SHPRH: variants seen among roughly 807,000 people sequenced by gnomAD.
SHPRH encodes SNF2 histone linker PHD RING helicase.
A neutral mutation model predicts 202.5 loss-of-function variants in SHPRH; 106 were observed. That is an observed-to-expected ratio of 0.52 (90% CI 0.45 to 0.62). The LOEUF (loss-of-function observed/expected upper bound fraction) is 0.62. SHPRH is among the 20% of genes least tolerant of loss of function. The probability of loss-of-function intolerance (pLI) is 0.00; values close to 1 mark genes in which losing one functional copy is unlikely to be tolerated. For synonymous variants in SHPRH, 729 were observed against 686.0 expected, an observed-to-expected ratio of 1.06 and a Z score of -0.98; for missense variants, 1,710 against 2,020.0, an observed-to-expected ratio of 0.85 and a Z score of 2.94.
intron 13 of SHPRH, among the ~76,000 whole-genome samples, chr6:145,933,941 T>C (rs1283533988): frequency 6.6e-6 from 1 of 152,090 alleles, no homozygotes; most frequent in Non-Finnish European, 1.5e-5. Context: ...GTGGGAACTA[T>C]GAAATAAAAT....
In SHPRH at chr6:145,923,693, T is replaced by G; in HGVS notation, c.3495A>C (p.Glu1165Asp). Residue 1165 changes from glutamate (E) to aspartate (D), a missense_variant, in exon 18 of 30, where the codon GAA (glutamate) becomes GAC (aspartate). This residue lies in a region of SHPRH where 288 missense variants were observed against 317.8 expected (regional missense o/e 0.91). Transcript: ENST00000275233. ...TTTGTTGCTTGTAGTTGCTGGTTAT[T>G]TCATTTCGCACTCGCTGAACTAGCT... ...DEELVQRVRN[E>D]ITSNYKQQTG... The G allele has an allele frequency of 6.2e-7, 1 of 1,612,148 alleles. No individual in the cohort carries two copies. Among genetic ancestry groups the G allele is most frequent in the Non-Finnish European group, 8.5e-7 (1 of 1,178,758 alleles).
At chr6:145,937,398 C>CT (rs963380283) in intron 11 of SHPRH, among the ~76,000 whole-genome samples, 1 of 152,150 alleles carries the variant, frequency 6.6e-6, no homozygotes, top group Non-Finnish European at 1.5e-5. Flanking sequence ...GCCTTATCCA[C>CT]TTTTTTCTGT....
chr6:145,941,102 A>G (rs1786721362), intron 10 of SHPRH, among the ~76,000 whole-genome samples: 1 of 152,182 alleles, frequency 6.6e-6, no homozygotes, highest in African/African-American at 2.4e-5. Context: ...GCATCACTCT[A>G]TCCTCCAGAT....
intron 21 of SHPRH, among the ~76,000 whole-genome samples, chr6:145,919,903 C>T (rs2128747930): frequency 6.6e-6 from 1 of 152,124 alleles, no homozygotes; most frequent in South Asian, 2.1e-4. Context: ...AATATGAATT[C>T]CTTGGAAAGG....
intron 11 of SHPRH, among the ~76,000 whole-genome samples, chr6:145,938,581 AAAC>A (rs1453094600): frequency 2.6e-5 from 4 of 152,230 alleles, no homozygotes; most frequent in African/African-American, 4.8e-5. Flanking sequence ...TGGAAAATAA[AAAC>A]AACAAAAGGA....
At chr6:145,866,400 A>C (rs1779783714) in intron 2 of SHPRH, among the ~76,000 whole-genome samples, 1 of 152,174 alleles carries the variant, frequency 6.6e-6, no homozygotes, top group East Asian at 1.9e-4. Flanking sequence ...TCCTTTCTAC[A>C]TTTCTGGGAT....
At chr6:145,912,612 A>G (rs1325159198) in intron 24 of SHPRH, among the ~76,000 whole-genome samples, 1 of 152,138 alleles carries the variant, frequency 6.6e-6, no homozygotes, top group African/African-American at 2.4e-5. Flanking sequence ...TCAGTTTCCA[A>G]TGTAGTATCT....
chr6:145,891,076 C>T (rs1638435377), intron 28 of SHPRH, among the ~76,000 whole-genome samples: 2 of 152,094 alleles, frequency 1.3e-5, no homozygotes, highest in East Asian at 3.9e-4. Context: ...TCTTTTAAAA[C>T]TTAAGTGAGA....
chr6:145,879,938 AAAG>A (rs1170657295), downstream of SHPRH, among the ~76,000 whole-genome samples: 1 of 151,402 alleles, frequency 6.6e-6, no homozygotes, highest in Non-Finnish European at 1.5e-5. Context: ...AAAAAGGAAA[AAAG>A]AAAAAAAGAA....
intron 2 of SHPRH, among the ~76,000 whole-genome samples, chr6:145,875,657 A>T (rs1170681821): frequency 6.6e-6 from 1 of 152,196 alleles, no homozygotes; most frequent in Non-Finnish European, 1.5e-5. Context: ...TTCACCCAAG[A>T]ACGTCATGAG....
At chr6:145,934,356 C>G in intron 13 of SHPRH, among the ~76,000 whole-genome samples, 1 of 151,710 alleles carries the variant, frequency 6.6e-6, no homozygotes. Flanking sequence ...ATCCCAGGTA[C>G]TTGGAGGGGT....
chr6:145,916,947 T>A (rs985107683), intron 23 of SHPRH, among the ~76,000 whole-genome samples: 2 of 152,050 alleles, frequency 1.3e-5, no homozygotes, highest in Admixed American at 1.3e-4. Flanking sequence ...TTCCAGCTAA[T>A]TTTTTGTATC....
At chr6:145,919,740 TATA>T (rs1784268137) in intron 21 of SHPRH, among the ~76,000 whole-genome samples, 1 of 152,166 alleles carries the variant, frequency 6.6e-6, no homozygotes, top group Non-Finnish European at 1.5e-5. Flanking sequence ...CAAAAATCTT[TATA>T]AAGTCCAGTT....
Position 145,885,652 on chromosome 6 carries a change from G to C in SHPRH, c.*1039C>G, listed in dbSNP as rs553831647. On this transcript the variant is annotated 3_prime_UTR_variant, in exon 30 of 30. Coordinates refer to ENST00000275233, the MANE Select transcript of SHPRH (RefSeq NM_001042683.3). ...TTCCTCACAGAAGAAGAAACACTTC[G>C]TTATTATCACTTGCAACGATTTGCT... 1.4e-4 allele frequency: 21 copies of C among 151,968 alleles called. No individual in the cohort carries two copies. Among genetic ancestry groups the C allele is most frequent in the Admixed American group, 7.2e-4 (11 of 15,282 alleles). The allele number at this position is 151,968 out of a possible 1,614,324, so 9.4% of individuals were successfully genotyped here.
In SHPRH at chr6:145,954,963, A is replaced by G. The variant is rs1310296582; in HGVS notation, c.360T>C (p.Thr120=). The change falls in exon 2 of 30, where the codon ACT becomes ACC. Residue 120 remains threonine, a synonymous_variant. Coordinates refer to ENST00000275233, the MANE Select transcript of SHPRH (RefSeq NM_001042683.3). The part of the protein sequence containing the change: ...NSWKAFLGEL[T]LQLLPAQSLI... Reference sequence around the variant, plus strand: ...AACTCTGTGCAGGAAGAAGCTGAAGAGTTAATTCTCCTAGAAATGCTTTCC... The same window carrying G: ...AACTCTGTGCAGGAAGAAGCTGAAGGGTTAATTCTCCTAGAAATGCTTTCC... The G allele has an allele frequency of 6.2e-7, 1 of 1,613,896 alleles. No individual in the cohort carries two copies. The highest frequency in any genetic ancestry group is 8.5e-7 in the Non-Finnish European group (1 of 1,179,924).
rs751575454 is a variant in SHPRH, at chr6:145,954,911, T to C, written c.412A>G (p.Ile138Val). 3.1e-6 allele frequency: 5 copies of C among 1,613,824 alleles called. No individual in the cohort carries two copies. Among genetic ancestry groups the C allele is most frequent in the Non-Finnish European group, 4.2e-6 (5 of 1,179,876 alleles). ...SLIENFSERSITLMSSESSNQ... is the reference protein window; with the variant it reads ...SLIENFSERSVTLMSSESSNQ... ...CTTGACTCTGAACTCATCAATGTAA[T>C]ACTCCTTTCGGAAAAATTTTCAATT... Residue 138 changes from isoleucine to valine, a missense_variant, in exon 2 of 30, where the codon ATT becomes GTT. This residue lies in a region of SHPRH where 459 missense variants were observed against 426.5 expected (regional missense o/e 1.08). Coordinates refer to ENST00000275233, the MANE Select transcript of SHPRH (RefSeq NM_001042683.3).
At chr6:145,895,831 A>C (rs550546627) in intron 25 of SHPRH, among the ~76,000 whole-genome samples, 1 of 152,042 alleles carries the variant, frequency 6.6e-6, no homozygotes, top group African/African-American at 2.4e-5. Context: ...AATGATAATT[A>C]TATCTCTTTC....
intron 3 of SHPRH, among the ~76,000 whole-genome samples, chr6:145,950,816 G>A (rs1787899272): frequency 6.6e-6 from 1 of 152,040 alleles, no homozygotes; most frequent in African/African-American, 2.4e-5. Flanking sequence ...GGGTAACAAA[G>A]GCAAAGTTTT....
chr6:145,930,621 C>T (rs548817736), intron 14 of SHPRH, among the ~76,000 whole-genome samples: 2 of 152,090 alleles, frequency 1.3e-5, no homozygotes, highest in South Asian at 2.1e-4. Flanking sequence ...AATTTACTGC[C>T]TTGTTTTACA....
Sources: allele counts gnomAD v4.1 joint callset (sites outside exome capture counted in the v4.1 genomes callset), GRCh38; gene constraint gnomAD v4.1.1; regional missense constraint gnomAD v4.1.1; transcripts MANE v1.5; gene names NCBI Gene and HGNC (gene_info 2026-07-23, HGNC 2026-07-21).